Variants in ASAP3 observed in about 807,000 individuals in gnomAD.
ASAP3 encodes arf-GAP with SH3 domain, ANK repeat and PH domain-containing protein 3.
ASAP3 carries 85 observed loss-of-function variants against 118.2 expected under a neutral mutation model. The ratio of observed to expected loss-of-function variants is 0.72; its 90% CI spans 0.60 to 0.86. ASAP3 has a LOEUF of 0.86. ASAP3 is among the 40% of genes least tolerant of loss of function. The pLI, the probability that ASAP3 is intolerant of heterozygous loss-of-function variation, is 0.00. For missense variants in ASAP3, 1,026 were observed against 1,175.0 expected (o/e 0.87, Z 1.85); for synonymous variants, 432 against 477.4 (o/e 0.90, Z 1.24).
chr1:23,470,221 C>T (rs546913958), intron 1 of ASAP3, among the ~76,000 whole-genome samples: 1 of 152,178 alleles, frequency 6.6e-6, no homozygotes, highest in Non-Finnish European at 1.5e-5. Context: ...CAGGCCAAAG[C>T]GCTAGGACAC....
chr1:23,442,401 T>A (rs567470211), intron 6 of ASAP3, 100 bp downstream of exon 6: 5 of 1,589,050 alleles, frequency 3.1e-6, no homozygotes, highest in African/African-American at 2.7e-5. Flanking sequence ...CACAGGGCCA[T>A]GTGGCCAGGA....
In ASAP3 at chr1:23,483,986, C is replaced by T; in HGVS notation, c.129+19G>A. 6 of 1,276,908 alleles carry T rather than the reference C, an allele frequency of 4.7e-6. No homozygotes were observed. Among genetic ancestry groups the T allele is most frequent in the Non-Finnish European group, 5.9e-6 (6 of 1,012,404 alleles). 79.1% of individuals were successfully genotyped at this position (1,276,908 alleles called of 1,614,324 possible). A position where few individuals can be genotyped will look rare whatever the true frequency, so the allele number is the denominator to read the frequency against. The stretch of plus-strand genomic sequence containing the variant: ...GGCCCGGCGCCGACCCCCGACCCCT[C>T]CCGCCTCGGCCCCCTCACCTCCTCC... On this transcript the variant is annotated intron_variant, in intron 1 of 24. Transcript: ENST00000336689.
At position 23,432,036 on chromosome 1, in the gene ASAP3, T is replaced by A. The variant is rs1295969955; in HGVS notation, c.2324-118A>T. On this transcript the variant is annotated intron_variant, in intron 22 of 24. Coordinates refer to ENST00000336689, the MANE Select transcript of ASAP3 (RefSeq NM_017707.4). ...TTTTTTTTTTTTTTGAGACAGAGTC[T>A]CACTCTGTCACCCAGGCTGGAGTGC... 8.9e-5 allele frequency: 77 copies of A among 865,854 alleles called. No homozygotes were observed. The South Asian group carries it at 1.3e-3, about 14-fold the overall frequency. 53.6% of individuals were successfully genotyped at this position (865,854 alleles called of 1,614,324 possible).
At chr1:23,457,765 G>A (rs1364683117) in intron 1 of ASAP3, among the ~76,000 whole-genome samples, 3 of 152,104 alleles carry the variant, frequency 2.0e-5, no homozygotes, top group South Asian at 2.1e-4. Flanking sequence ...CACCCGCTTC[G>A]GCCTCCCAAG....
At chr1:23,477,398 A>G (rs1642166786) in intron 1 of ASAP3, among the ~76,000 whole-genome samples, 1 of 139,618 alleles carries the variant, frequency 7.2e-6, no homozygotes, top group Admixed American at 7.0e-5. Flanking sequence ...AAAAAAAAAA[A>G]GAAGATGTTC....
At chr1:23,435,119 C>T (rs539773273) in intron 17 of ASAP3, among the ~76,000 whole-genome samples, 34 of 152,334 alleles carry the variant, frequency 2.2e-4, no homozygotes, top group Middle Eastern at 3.4e-3. Flanking sequence ...CCTCAACCTC[C>T]TGGGCTCAAG....
rs183916876 is a variant in ASAP3 at position 23,460,793 on chromosome 1, C to G, written c.130-4599G>C. On this transcript the variant is annotated intron_variant, in intron 1 of 24. Coordinates refer to ENST00000336689, the MANE Select transcript of ASAP3 (RefSeq NM_017707.4). ...TTACATCAGCTTTATTCATAATTAC[C>G]AAAATTTGGAAACAACCAAGATGTC... is the stretch of plus-strand genomic sequence containing the variant. Among the ~76,000 whole-genome samples, 358 of 152,196 alleles carry G rather than the reference C, an allele frequency of 2.4e-3. 1 individual carries two copies. The highest frequency in any genetic ancestry group is 8.5e-3 in the African/African-American group (351 of 41,502).
intron 1 of ASAP3, among the ~76,000 whole-genome samples, chr1:23,477,237 G>A (rs535797677): frequency 1.8e-4 from 28 of 151,460 alleles, no homozygotes; most frequent in South Asian, 8.4e-4. Flanking sequence ...GGCTGGTCTC[G>A]AACTCCTGAC....
At chr1:23,483,183 T>C (rs1457397157) in intron 1 of ASAP3, among the ~76,000 whole-genome samples, 1 of 152,220 alleles carries the variant, frequency 6.6e-6, no homozygotes, top group Non-Finnish European at 1.5e-5. Flanking sequence ...GGTGGAAGGC[T>C]AGAGCCGTTG....
At chr1:23,471,707 T>C (rs1378897649) in intron 1 of ASAP3, among the ~76,000 whole-genome samples, 1 of 152,154 alleles carries the variant, frequency 6.6e-6, no homozygotes, top group East Asian at 1.9e-4. Flanking sequence ...TCAAATGGCA[T>C]AATAACAGCA....
In ASAP3 at chr1:23,484,158, G is replaced by A. The variant is rs1169146699; in HGVS notation, c.-25C>T. On this transcript the variant is annotated 5_prime_UTR_variant, in exon 1 of 25. Transcript: ENST00000336689. ...TGGCGGGCGCGAGCGTGGAGCTGCC[G>A]GAGCGGGGCGCGGGGGGCACTGAGC... The A allele has an allele frequency of 4.8e-6, 6 of 1,256,018 alleles. No individual in the cohort carries two copies. The highest frequency in any genetic ancestry group is 6.0e-6 in the Non-Finnish European group (6 of 1,001,672). The allele number at this position is 1,256,018 out of a possible 1,614,324, so 77.8% of individuals were successfully genotyped here. A position where few individuals can be genotyped will look rare whatever the true frequency, so the allele number is the denominator to read the frequency against.
intron 4 of ASAP3, among the ~76,000 whole-genome samples, chr1:23,452,259 C>T (rs1000186503): frequency 1.3e-5 from 2 of 152,210 alleles, no homozygotes; most frequent in Admixed American, 1.3e-4. Flanking sequence ...ATTATTCTGT[C>T]ACCTTCTTTG....
At chr1:23,470,262 C>T (rs1259589520) in intron 1 of ASAP3, among the ~76,000 whole-genome samples, 5 of 152,234 alleles carry the variant, frequency 3.3e-5, no homozygotes. Context: ...TACAAGGCTG[C>T]TCCAACCTCA....
At chr1:23,469,580 C>T (rs544742282) in intron 1 of ASAP3, among the ~76,000 whole-genome samples, 13 of 152,284 alleles carry the variant, frequency 8.5e-5, no homozygotes, top group African/African-American at 2.9e-4. Context: ...GGCCCTGGCC[C>T]GGAGCAGATC....
At chr1:23,435,718 C>T (rs1172258394) in intron 17 of ASAP3, 133 bp downstream of exon 17, 1 of 1,078,832 alleles carries the variant, frequency 9.3e-7, no homozygotes, top group Non-Finnish European at 1.4e-6. Context: ...CTCTTTCCCA[C>T]TTACCACTCT....
intron 17 of ASAP3, 51 bp downstream of exon 17, chr1:23,435,800 G>A (rs370692602): frequency 6.2e-7 from 1 of 1,603,670 alleles, no homozygotes; most frequent in Non-Finnish European, 8.5e-7. Context: ...AGAAGAACTG[G>A]GGAATATGTT....
chr1:23,453,319 A>C (rs971472424), intron 3 of ASAP3, among the ~76,000 whole-genome samples: 3 of 151,046 alleles, frequency 2.0e-5, no homozygotes, highest in African/African-American at 7.3e-5. Context: ...TAAACGCAGA[A>C]GTCAGATCTG....
At chr1:23,460,091 GCT>G (rs781701355) in intron 1 of ASAP3, among the ~76,000 whole-genome samples, 45 of 152,322 alleles carry the variant, frequency 3.0e-4, no homozygotes, top group Admixed American at 9.2e-4. Flanking sequence ...ACTATGTATA[GCT>G]TTTTACATGT....
chr1:23,474,729 C>T (rs973862069), intron 1 of ASAP3, among the ~76,000 whole-genome samples: 2 of 152,074 alleles, frequency 1.3e-5, no homozygotes, highest in African/African-American at 4.8e-5. Context: ...ACTACAGGTG[C>T]GTGCCACCAC....
Sources: gnomAD v4.1 joint callset for allele counts (sites outside exome capture counted in the v4.1 genomes callset) on GRCh38, gnomAD v4.1.1 for gene constraint, MANE v1.5 for transcripts, NCBI Gene and HGNC (gene_info 2026-07-23, HGNC 2026-07-21) for gene names.